Variants in VCPKMT observed in about 807,000 individuals in gnomAD.
The protein encoded by VCPKMT is protein N-lysine methyltransferase METTL21D.
A neutral mutation model predicts 28.6 loss-of-function variants in VCPKMT; 32 were observed. The ratio of observed to expected loss-of-function variants is 1.12; its 90% CI spans 0.84 to 1.50. The LOEUF (loss-of-function observed/expected upper bound fraction) is 1.50. Ranked by LOEUF, VCPKMT falls within the 40% of genes most tolerant of loss-of-function variation. VCPKMT has a pLI of 0.00. For synonymous variants in VCPKMT, 138 were observed against 111.4 expected, an observed-to-expected ratio of 1.24 and a Z score of -1.50; for missense variants, 366 against 285.0, an observed-to-expected ratio of 1.28 and a Z score of -2.05.
intron 4 of VCPKMT, chr14:50,113,518 G>C (rs1371202386): frequency 6.6e-6 from 1 of 151,636 alleles, no homozygotes; most frequent in Non-Finnish European, 1.5e-5. Context: ...GATCACTAGG[G>C]GAAGAAGAGT....
rs760871874 is a variant in VCPKMT at position 50,116,373 on chromosome 14, G to A, written c.180C>T (p.Gly60=). 6.2e-7 allele frequency: 1 copy of A among 1,613,500 alleles called. No individual in the cohort carries two copies. The highest frequency in any genetic ancestry group is 1.3e-5 in the African/African-American group (1 of 74,986). ...SKYLETPEFS[G]DGAHALSRRS... ...GCCGGCTCAGCGCGTGGGCCCCGTC[G>A]CCAGAAAACTCGGGCGTTTCCAGGT... The change falls in exon 1 of 6, where the codon GGC becomes GGT. Residue 60 remains glycine (G), a synonymous_variant. Coordinates refer to ENST00000395860, the MANE Select transcript of VCPKMT (RefSeq NM_024558.3).
chr14:50,112,777 ACAGAAGT>A (rs1882790067), intron 4 of VCPKMT, 58 bp from the exon 5 acceptor site: 1 of 1,235,836 alleles, frequency 8.1e-7, no homozygotes, highest in East Asian at 2.6e-5. Flanking sequence ...CCTGTGGGTG[ACAGAAGT>A]CAGAATGCTG....
At position 50,116,415 on chromosome 14, in the gene VCPKMT, G is replaced by A. The variant is rs1011391582; in HGVS notation, c.138C>T (p.Ala46=). ...TTTCCAGGTATTTAGAAAGGACAATGGCAGCGTCCCACACAACGCAACCCA... is the reference window on the plus strand; with the variant it reads ...TTTCCAGGTATTTAGAAAGGACAATAGCAGCGTCCCACACAACGCAACCCA... ...GGVGCVVWDA[A]IVLSKYLETP... is the part of the protein sequence containing the mutation. The change falls in exon 1 of 6, where the codon GCC becomes GCT. Residue 46 remains alanine (A), a synonymous_variant. Coordinates refer to ENST00000395860, the MANE Select transcript of VCPKMT (RefSeq NM_024558.3). The A allele has an allele frequency of 1.2e-5, 20 of 1,613,896 alleles. No individual in the cohort carries two copies. The highest frequency in any genetic ancestry group is 6.7e-5 in the East Asian group (3 of 44,892).
In VCPKMT at chr14:50,109,652, T is replaced by A. The variant is rs758585039; in HGVS notation, c.*47A>T. On this transcript the variant is annotated 3_prime_UTR_variant, in exon 6 of 6. Coordinates refer to ENST00000395860, the MANE Select transcript of VCPKMT (RefSeq NM_024558.3). The stretch of plus-strand genomic sequence containing the variant: ...GTATTCACATGCTCTATTCACATCT[T>A]TAGTTTACCCAGGTTGTTAGAGCCT... 1 of 1,582,300 alleles carries A rather than the reference T, an allele frequency of 6.3e-7. No individual in the cohort carries two copies. Among genetic ancestry groups the A allele is most frequent in the East Asian group, 2.3e-5 (1 of 44,378 alleles).
downstream of VCPKMT, among the ~76,000 whole-genome samples, chr14:50,107,576 C>A (rs983550586): frequency 1.3e-5 from 2 of 152,174 alleles, no homozygotes; most frequent in African/African-American, 2.4e-5. Context: ...GGCATACAGG[C>A]GTGAGCCACC....
At chr14:50,107,886 G>C (rs918193050), downstream of VCPKMT, among the ~76,000 whole-genome samples, 1 of 152,102 alleles carries the variant, frequency 6.6e-6, no homozygotes, top group African/African-American at 2.4e-5. Flanking sequence ...AAGACCCACA[G>C]ATAGTGTGTG....
chr14:50,103,142 T>G, the VCPKMT span, among the ~76,000 whole-genome samples: 1 of 152,254 alleles, frequency 6.6e-6, no homozygotes, highest in Admixed American at 6.5e-5. Context: ...CAGGGAAGAT[T>G]GCACACCCCT....
rs777169216 is a variant in VCPKMT, at chr14:50,116,049, A to G, written c.377+20T>C. The G allele has an allele frequency of 1.3e-6, 2 of 1,598,200 alleles. No individual in the cohort carries two copies. Among genetic ancestry groups the G allele is most frequent in the East Asian group, 2.2e-5 (1 of 44,570 alleles). On this transcript the variant is annotated intron_variant, in intron 2 of 5. Coordinates refer to ENST00000395860, the MANE Select transcript of VCPKMT (RefSeq NM_024558.3). ...AACTACAAATCAATATCTTAAAACA[A>G]GCTGAAAGGCCATACAAACCATTTC...
Position 50,114,337 on chromosome 14 carries a change from T to C in VCPKMT, c.518A>G (p.Tyr173Cys). The change falls in exon 4 of 6, where the codon TAT (tyrosine) becomes TGT (cysteine). Residue 173 changes from tyrosine (Y) to cysteine (C), a missense_variant. Transcript: ENST00000395860. ...ATTTTTCCCCATTGTTCGTTGTTCA[T>C]AACAACATATAATACAAGTTTCAAA... The part of the protein sequence containing the change: ...SGFETCIICC[Y>C]EQRTMGKNPE... 1 of 1,594,420 alleles carries C rather than the reference T, an allele frequency of 6.3e-7. No homozygotes were observed. Among genetic ancestry groups the C allele is most frequent in the Non-Finnish European group, 8.5e-7 (1 of 1,172,810 alleles).
intron 3 of VCPKMT, 123 bp downstream of exon 3, chr14:50,115,716 T>A: frequency 1.8e-6 from 2 of 1,104,758 alleles, no homozygotes; most frequent in Non-Finnish European, 1.3e-6. Flanking sequence ...TTCTCTTTAC[T>A]GCATCAACTA....
intron 5 of VCPKMT, chr14:50,111,775 A>T: frequency 1.6e-6 from 1 of 617,772 alleles, no homozygotes; most frequent in Non-Finnish European, 2.0e-6. Flanking sequence ...GGTCCCAGGT[A>T]CTCAGGAGGC....
At chr14:50,107,889 A>T (rs541765598), downstream of VCPKMT, among the ~76,000 whole-genome samples, 1 of 152,230 alleles carries the variant, frequency 6.6e-6, no homozygotes, top group African/African-American at 2.4e-5. Flanking sequence ...ACCCACAGAT[A>T]GTGTGTGTTA....
At chr14:50,109,816 T>A in intron 5 of VCPKMT, 103 bp from the exon 6 acceptor site, 7 of 1,335,748 alleles carry the variant, frequency 5.2e-6, no homozygotes, top group Non-Finnish European at 5.0e-6. Flanking sequence ...GTATGCCTAG[T>A]ATAACAGTGG....
intron 1 of VCPKMT, 25 bp from the exon 2 acceptor site, chr14:50,116,204 G>C: frequency 6.2e-7 from 1 of 1,613,826 alleles, no homozygotes; most frequent in East Asian, 2.2e-5. Context: ...CGACTGAGGT[G>C]TAGGCACAGG....
In VCPKMT at chr14:50,108,767, A is replaced by G; in HGVS notation, c.*932T>C. 1.0e-6 allele frequency: 1 copy of G among 985,780 alleles called. No homozygotes were observed. Among genetic ancestry groups the G allele is most frequent in the Non-Finnish European group, 1.2e-6 (1 of 829,934 alleles). The allele number at this position is 985,780 out of a possible 1,614,324, so 61.1% of individuals were successfully genotyped here. ...TAAAGTCCTTGACAGATTATTGTAT[A>G]TGAGCGAATGGCTTCATAACATAAA... On this transcript the variant is annotated 3_prime_UTR_variant, in exon 6 of 6. Transcript: ENST00000395860.
chr14:50,109,979 C>T (rs573518903), intron 5 of VCPKMT, among the ~76,000 whole-genome samples: 2 of 152,292 alleles, frequency 1.3e-5, no homozygotes, highest in Admixed American at 1.3e-4. Flanking sequence ...GGTGTGGTGG[C>T]TCACACCTGT....
intron 4 of VCPKMT, among the ~76,000 whole-genome samples, chr14:50,112,951 C>G (rs1331745314): frequency 6.6e-6 from 1 of 152,130 alleles, no homozygotes; most frequent in Non-Finnish European, 1.5e-5. Flanking sequence ...CCACACCCAG[C>G]TAATTTTTGT....
Position 50,108,702 on chromosome 14 carries a change from AG to A in VCPKMT, c.*996del. On this transcript the variant is annotated 3_prime_UTR_variant, in exon 6 of 6. Transcript: ENST00000395860. Reference sequence around the variant, plus strand: ...TCTAGCACCAATGCCTATAAATACCAGAATTCCATCCGGTTACTACTCTTTG... The same window carrying A: ...TCTAGCACCAATGCCTATAAATACCAAATTCCATCCGGTTACTACTCTTTG... 3 of 985,878 alleles carry A rather than the reference AG, an allele frequency of 3.0e-6. No individual in the cohort carries two copies. The highest frequency in any genetic ancestry group is 3.6e-6 in the Non-Finnish European group (3 of 829,918). 61.1% of individuals were successfully genotyped at this position (985,878 alleles called of 1,614,324 possible).
chr14:50,105,098 T>G (rs907063575), downstream of VCPKMT, among the ~76,000 whole-genome samples: 1 of 152,180 alleles, frequency 6.6e-6, no homozygotes, highest in Non-Finnish European at 1.5e-5. Context: ...AGATTCTATT[T>G]TAACAACTTC....
Sources: gnomAD v4.1 joint callset for allele counts (sites outside exome capture counted in the v4.1 genomes callset) on GRCh38, gnomAD v4.1.1 for gene constraint, MANE v1.5 for transcripts, NCBI Gene and HGNC (gene_info 2026-07-23, HGNC 2026-07-21) for gene names.